Variants in C1orf21 observed in about 807,000 individuals in gnomAD.
C1orf21 encodes the protein uncharacterized protein C1orf21.
C1orf21 carries 3 observed loss-of-function variants against 18.7 expected under a neutral mutation model. The observed-to-expected ratio is 0.16, with a 90% confidence interval of 0.07 to 0.42. The LOEUF (loss-of-function observed/expected upper bound fraction) is 0.42. Among genes scored for constraint, C1orf21 ranks in the 10% least tolerant of loss-of-function variants. The probability of loss-of-function intolerance (pLI) is 0.99; values close to 1 mark genes in which losing one functional copy is unlikely to be tolerated. For missense variants in C1orf21, 104 were observed against 143.6 expected, an observed-to-expected ratio of 0.72 and a Z score of 1.41; for synonymous variants, 41 against 46.4, an observed-to-expected ratio of 0.88 and a Z score of 0.47.
intron 1 of C1orf21, among the ~76,000 whole-genome samples, chr1:184,421,185 G>A (rs1291453875): frequency 6.6e-6 from 1 of 152,086 alleles, no homozygotes; most frequent in African/African-American, 2.4e-5. Flanking sequence ...GGAGTGTACT[G>A]GTGTGATCAT....
chr1:184,504,575 G>C (rs1360730245), intron 2 of C1orf21, among the ~76,000 whole-genome samples: 1 of 152,200 alleles, frequency 6.6e-6, no homozygotes, highest in African/African-American at 2.4e-5. Flanking sequence ...GGGAATGTGT[G>C]GTGCATTTGC....
Position 184,622,461 on chromosome 1 carries a change from T to C in C1orf21, c.*2905T>C, listed in dbSNP as rs1659939335. On this transcript the variant is annotated 3_prime_UTR_variant, in exon 6 of 6. Transcript: ENST00000235307. ...CAGCAGTGTGTGCACAGCTTTCTTT[T>C]GGTTGGCAGAGATTCAGGATCATGG... 1 of 152,664 alleles carries C rather than the reference T, an allele frequency of 6.6e-6. No individual in the cohort carries two copies. Among genetic ancestry groups the C allele is most frequent in the South Asian group, 2.1e-4 (1 of 4,830 alleles). 9.5% of individuals were successfully genotyped at this position (152,664 alleles called of 1,614,324 possible).
In C1orf21 at chr1:184,619,550, C is replaced by G. The variant is rs1659883403; in HGVS notation, c.360C>G (p.Ile120Met). The change falls in exon 6 of 6, where the codon ATC (isoleucine) becomes ATG (methionine). Residue 120 changes from isoleucine to methionine, a missense_variant. Ile to Met is a conservative substitution (Grantham distance 10). Transcript: ENST00000235307. ...GRDYCSEEEDIT is the reference protein window; with the variant it reads ...GRDYCSEEEDMT ...ATTACTGTTCGGAAGAAGAGGATAT[C>G]ACATAGCACCAATTTTACCACTCAA... The G allele has an allele frequency of 6.2e-7, 1 of 1,613,548 alleles. No homozygotes were observed. The highest frequency in any genetic ancestry group is 1.3e-5 in the African/African-American group (1 of 74,866).
intron 3 of C1orf21, among the ~76,000 whole-genome samples, chr1:184,577,777 A>G (rs1659213970): frequency 6.6e-6 from 1 of 152,214 alleles, no homozygotes; most frequent in Non-Finnish European, 1.5e-5. Flanking sequence ...TTTATTTGTT[A>G]AAATATCAAA....
chr1:184,475,734 GGTGTGTGTGTGTGTGTGTGT>G (rs10553261), intron 1 of C1orf21, among the ~76,000 whole-genome samples: 21 of 138,142 alleles, frequency 1.5e-4, no homozygotes, highest in African/African-American at 3.8e-4. Context: ...AATGGAATAG[GGTGTGTGTGTGTGTGTGTGT>G]GTGTGTGTGT....
At position 184,410,650 on chromosome 1, in the gene C1orf21, T is replaced by TATATATATATA. The variant is rs1656330500; in HGVS notation, c.-125+23283_-125+23293dup. Among the ~76,000 whole-genome samples, 2 of 6,674 alleles carry TATATATATATA rather than the reference T, an allele frequency of 3.0e-4. 1 individual carries two copies. Among genetic ancestry groups the TATATATATATA allele is most frequent in the African/African-American group, 5.7e-3 (2 of 352 alleles). 4.4% of individuals were successfully genotyped at this position (6,674 alleles called of 152,430 possible). On this transcript the variant is annotated intron_variant, in intron 1 of 5. Transcript: ENST00000235307. ...ATATATATATATATATATATATATA[T>TATATATATATA]ATATATATATATATTTTTTTTTTTT...
intron 3 of C1orf21, among the ~76,000 whole-genome samples, chr1:184,516,082 G>A (rs1005405650): frequency 3.3e-5 from 5 of 152,148 alleles, no homozygotes; most frequent in Admixed American, 6.5e-5. Context: ...CAAAGTGCTA[G>A]GATTACAGAC....
chr1:184,481,450 T>TG (rs1385838694), intron 2 of C1orf21, among the ~76,000 whole-genome samples: 2 of 152,098 alleles, frequency 1.3e-5, no homozygotes, highest in Non-Finnish European at 2.9e-5. Flanking sequence ...CACATGCCAC[T>TG]AGCCAAAGCA....
chr1:184,549,765 A>G (rs1211168395), intron 3 of C1orf21, among the ~76,000 whole-genome samples: 1 of 152,108 alleles, frequency 6.6e-6, no homozygotes. Context: ...ATTCATCACT[A>G]CAGTCCCAAT....
At chr1:184,458,607 C>T (rs1271024402) in intron 1 of C1orf21, among the ~76,000 whole-genome samples, 2 of 152,132 alleles carry the variant, frequency 1.3e-5, no homozygotes, top group East Asian at 1.9e-4. Context: ...AGTATTTCAA[C>T]TTAACATTCT....
chr1:184,547,980 A>G (rs1044826511), intron 3 of C1orf21, among the ~76,000 whole-genome samples: 5 of 152,070 alleles, frequency 3.3e-5, no homozygotes, highest in African/African-American at 4.8e-5. Context: ...ATCAGTACCC[A>G]CTTGACCATC....
At chr1:184,410,950 C>A (rs188354720) in intron 1 of C1orf21, among the ~76,000 whole-genome samples, 2 of 151,708 alleles carry the variant, frequency 1.3e-5, no homozygotes, top group Non-Finnish European at 2.9e-5. Context: ...CCGCGCCTGG[C>A]CTCGAAAATA....
chr1:184,446,589 A>G (rs940096721), intron 1 of C1orf21, among the ~76,000 whole-genome samples: 11 of 152,190 alleles, frequency 7.2e-5, no homozygotes, highest in African/African-American at 2.7e-4. Context: ...AGAACTTTAC[A>G]GGACAAATAA....
chr1:184,425,765 G>T lies in C1orf21; in HGVS notation c.-125+38397G>T, dbSNP rs567769652. On this transcript the variant is annotated intron_variant, in intron 1 of 5. Transcript: ENST00000235307. ...AATTTTGAAAAACCTTTCCTTACTT[G>T]CCTGGCAGAATTAATTTTTCTTACC... Among the ~76,000 whole-genome samples, 4 of 152,262 alleles carry T rather than the reference G, an allele frequency of 2.6e-5. No homozygotes were observed. In the South Asian group the frequency reaches 8.3e-4, roughly 32 times the overall value.
intron 3 of C1orf21, among the ~76,000 whole-genome samples, chr1:184,511,932 G>C (rs1658154754): frequency 6.6e-6 from 1 of 152,178 alleles, no homozygotes; most frequent in African/African-American, 2.4e-5. Context: ...CACCTACCAT[G>C]AGGTCCTTCC....
At position 184,549,846 on chromosome 1, in the gene C1orf21, A is replaced by G. The variant is rs150233015; in HGVS notation, c.190-40893A>G. ...TAAATACTAGATTTAGATAATGTATAAATGTTTTTATATTTCACTGAAAAT... is the reference window on the plus strand; with the variant it reads ...TAAATACTAGATTTAGATAATGTATGAATGTTTTTATATTTCACTGAAAAT... On this transcript the variant is annotated intron_variant, in intron 3 of 5. Coordinates refer to ENST00000235307, the MANE Select transcript of C1orf21 (RefSeq NM_030806.4). Among the ~76,000 whole-genome samples, 16 of 152,322 alleles carry G rather than the reference A, an allele frequency of 1.1e-4. No homozygotes were observed. In the East Asian group the frequency reaches 3.1e-3, roughly 29 times the overall value.
chr1:184,595,261 C>T (rs1467530129), intron 4 of C1orf21, among the ~76,000 whole-genome samples: 1 of 152,170 alleles, frequency 6.6e-6, no homozygotes, highest in Non-Finnish European at 1.5e-5. Context: ...AATTATTCAT[C>T]CTTTATGAAC....
intron 3 of C1orf21, among the ~76,000 whole-genome samples, chr1:184,509,604 A>G (rs181520235): frequency 2.3e-4 from 35 of 152,336 alleles, no homozygotes; most frequent in Admixed American, 1.4e-3. Flanking sequence ...ATAATCAAGT[A>G]TTGACCATAC....
rs3034460 is a variant in C1orf21 at position 184,484,884 on chromosome 1, C to CTGTGTGTGTG, written c.94+7310_94+7319dup. On this transcript the variant is annotated intron_variant, in intron 2 of 5. Transcript: ENST00000235307. ...GAGAGCATATAACAGATGCTTGTGG[C>CTGTGTGTGTG]TGTGTGTGTGTGTGTGTGTGTGTGT... Among the ~76,000 whole-genome samples the CTGTGTGTGTG allele has an allele frequency of 2.2e-3, 320 of 146,088 alleles. 3 individuals are homozygous for CTGTGTGTGTG. Among genetic ancestry groups the CTGTGTGTGTG allele is most frequent in the African/African-American group, 6.5e-3 (257 of 39,602 alleles).
Sources: gnomAD v4.1 joint callset for allele counts (sites outside exome capture counted in the v4.1 genomes callset) on GRCh38, gnomAD v4.1.1 for gene constraint, MANE v1.5 for transcripts, NCBI Gene and HGNC (gene_info 2026-07-23, HGNC 2026-07-21) for gene names.